LMAN2L: variants seen among roughly 807,000 people sequenced by gnomAD.
LMAN2L encodes lectin, mannose binding 2 like.
Under a neutral mutation model 44.3 loss-of-function variants are expected in LMAN2L, and 30 were observed. The ratio of observed to expected loss-of-function variants is 0.68; its 90% CI spans 0.51 to 0.92. The LOEUF (loss-of-function observed/expected upper bound fraction) is 0.92, where lower values mean the gene tolerates loss of function less well. Among genes scored for constraint, LMAN2L ranks in the 40% least tolerant of loss-of-function variants. The pLI, the probability that LMAN2L is intolerant of heterozygous loss-of-function variation, is 0.00. For missense variants in LMAN2L, 429 were observed against 446.1 expected, an observed-to-expected ratio of 0.96 and a Z score of 0.35; for synonymous variants, 183 against 171.1, an observed-to-expected ratio of 1.07 and a Z score of -0.54.
intron 4 of LMAN2L, among the ~76,000 whole-genome samples, chr2:96,718,002 C>CTGGA (rs1415044403): frequency 1.4e-4 from 21 of 152,270 alleles, no homozygotes; most frequent in Non-Finnish European, 3.1e-4. Flanking sequence ...GTCCTCCAGG[C>CTGGA]TGGAGTGCAA....
At chr2:96,734,966 T>C (rs1397060376) in intron 2 of LMAN2L, among the ~76,000 whole-genome samples, 1 of 152,222 alleles carries the variant, frequency 6.6e-6, no homozygotes, top group Non-Finnish European at 1.5e-5. Flanking sequence ...CAAAGCCTAA[T>C]TTATTACAGT....
chr2:96,737,198 C>T (rs1405610887), intron 2 of LMAN2L: 2 of 453,206 alleles, frequency 4.4e-6, no homozygotes, highest in South Asian at 1.6e-5. Flanking sequence ...TGTCGCCATA[C>T]CTCAAGGAAG....
intron 4 of LMAN2L, among the ~76,000 whole-genome samples, chr2:96,713,573 AG>A (rs1047557694): frequency 1.8e-4 from 27 of 152,330 alleles, no homozygotes; most frequent in African/African-American, 6.3e-4. Context: ...AAGGGGAAAG[AG>A]GAGACAACAG....
intron 1 of LMAN2L, 95 bp downstream of exon 1, chr2:96,739,759 G>A: frequency 3.1e-6 from 4 of 1,299,096 alleles, no homozygotes; most frequent in South Asian, 2.4e-5. Context: ...AGTTTCCTCC[G>A]GGCCACGAAG....
rs1223161548 is a variant in LMAN2L at position 96,712,026 on chromosome 2, C to T, written c.508-1G>A. 1 of 1,613,958 alleles carries T rather than the reference C, an allele frequency of 6.2e-7. No individual in the cohort carries two copies. The highest frequency in any genetic ancestry group is 2.2e-5 in the East Asian group (1 of 44,898). On this transcript the variant is annotated splice_acceptor_variant, in intron 4 of 7. Transcript: ENST00000264963. LOFTEE classifies it high-confidence loss of function. Reference sequence around the variant, plus strand: ...TGGCTGAGATGTAGGGGAATACCCGCTGGAAAGCAGAGAGGGGGAAGCAGA... The same window carrying T: ...TGGCTGAGATGTAGGGGAATACCCGTTGGAAAGCAGAGAGGGGGAAGCAGA...
chr2:96,739,893 A>G lies in LMAN2L; in HGVS notation c.148T>C (p.Tyr50His). ...GACAGCGAGTGCTCCCGTTTCAAGT[A>G]CTCGAACGTTTGACCCGCCCCGACT... ...QQVGAGQTFE[Y>H]LKREHSLSKP... is the part of the protein sequence containing the mutation. Residue 50 changes from tyrosine (Y) to histidine (H), a missense_variant, in exon 1 of 8, where the codon TAC (tyrosine) becomes CAC (histidine). Transcript: ENST00000264963. 2 of 1,613,820 alleles carry G rather than the reference A, an allele frequency of 1.2e-6. No homozygotes were observed. The highest frequency in any genetic ancestry group is 1.7e-6 in the Non-Finnish European group (2 of 1,179,986).
chr2:96,733,464 G>T, intron 4 of LMAN2L, 55 bp downstream of exon 4: 2 of 1,321,842 alleles, frequency 1.5e-6, no homozygotes, highest in South Asian at 1.2e-5. Flanking sequence ...ACATTCCTGA[G>T]GCAAAGAACT....
intron 4 of LMAN2L, among the ~76,000 whole-genome samples, chr2:96,714,193 T>C (rs2077987242): frequency 6.6e-6 from 1 of 152,178 alleles, no homozygotes; most frequent in South Asian, 2.1e-4. Flanking sequence ...GAGGAGGCAA[T>C]ATCTGAGCTG....
In LMAN2L at chr2:96,707,381, G is replaced by A; in HGVS notation, c.922C>T (p.Pro308Ser). The A allele has an allele frequency of 6.2e-7, 1 of 1,612,618 alleles. No individual in the cohort carries two copies. Among genetic ancestry groups the A allele is most frequent in the East Asian group, 2.2e-5 (1 of 44,864 alleles). The change falls in exon 8 of 8, where the codon CCC becomes TCC. Residue 308 changes from proline (P) to serine (S), a missense_variant. Pro to Ser is a moderately conservative substitution (Grantham distance 74). Transcript: ENST00000264963. Reference sequence around the variant, plus strand: ...AGGAAGAGGGCCAGGCCACTCAGGGGCGGCAGTGGAGCTGTCACTGAGGAA... The same window carrying A: ...AGGAAGAGGGCCAGGCCACTCAGGGACGGCAGTGGAGCTGTCACTGAGGAA... ...KLPEMTAPLP[P>S]LSGLALFLIV...
intron 4 of LMAN2L, among the ~76,000 whole-genome samples, chr2:96,726,055 C>T (rs920050359): frequency 6.6e-6 from 1 of 151,564 alleles, no homozygotes; most frequent in African/African-American, 2.4e-5. Context: ...TCACTTGAAC[C>T]CAGGAGGCGG....
chr2:96,718,881 C>A (rs2078094348), intron 4 of LMAN2L, among the ~76,000 whole-genome samples: 1 of 152,218 alleles, frequency 6.6e-6, no homozygotes, highest in Admixed American at 6.5e-5. Flanking sequence ...AAAAGTGGCA[C>A]TTCCAGGTCT....
chr2:96,737,936 G>A lies in LMAN2L; in HGVS notation c.306+13C>T. The A allele has an allele frequency of 2.5e-6, 4 of 1,572,388 alleles. No individual in the cohort carries two copies. The highest frequency in any genetic ancestry group is 3.5e-6 in the Non-Finnish European group (4 of 1,142,122). On this transcript the variant is annotated intron_variant, in intron 2 of 7. Transcript: ENST00000264963. ...TTCTGGGTCACCAACACAGGAGGGA[G>A]AAAGATTCTTACCACCCGGTTCCAC...
At chr2:96,738,126 C>T in intron 1 of LMAN2L, 59 bp from the exon 2 acceptor site, 1 of 1,154,120 alleles carries the variant, frequency 8.7e-7, no homozygotes, top group Non-Finnish European at 1.3e-6. Flanking sequence ...CAGAAAGCAG[C>T]CACCACAGAG....
intron 6 of LMAN2L, among the ~76,000 whole-genome samples, chr2:96,710,441 G>A (rs184755436): frequency 2.8e-4 from 43 of 152,254 alleles, no homozygotes; most frequent in African/African-American, 9.1e-4. Context: ...AGGCCAAGGC[G>A]GGCGGATCAC....
intron 4 of LMAN2L, among the ~76,000 whole-genome samples, chr2:96,716,206 AAAATAC>A (rs2078037403): frequency 6.6e-6 from 1 of 152,230 alleles, no homozygotes; most frequent in Admixed American, 6.5e-5. Flanking sequence ...TAAAAATATT[AAAATAC>A]AATAATGACA....
intron 4 of LMAN2L, among the ~76,000 whole-genome samples, chr2:96,727,141 T>C (rs1184700745): frequency 6.6e-6 from 1 of 151,928 alleles, no homozygotes; most frequent in East Asian, 1.9e-4. Context: ...CATATATATA[T>C]ATATTAGCTG....
At chr2:96,738,937 T>C (rs556787782) in intron 1 of LMAN2L, among the ~76,000 whole-genome samples, 64 of 152,252 alleles carry the variant, frequency 4.2e-4, no homozygotes, top group Non-Finnish European at 9.0e-4. Flanking sequence ...GAGATGGGGT[T>C]TCACCGTGTT....
chr2:96,738,336 G>A (rs2078559527), intron 1 of LMAN2L, among the ~76,000 whole-genome samples: 2 of 152,132 alleles, frequency 1.3e-5, no homozygotes, highest in East Asian at 1.9e-4. Context: ...TTATATGTGA[G>A]TAAACTTCAG....
At chr2:96,729,199 A>T (rs7575530) in intron 4 of LMAN2L, among the ~76,000 whole-genome samples, 3,446 of 151,824 alleles carry the variant, frequency 0.023, 128 homozygotes, top group African/African-American at 0.078. Context: ...AAATAAAATA[A>T]AACAAAATAA....
Sources: gnomAD v4.1 joint callset for allele counts (sites outside exome capture counted in the v4.1 genomes callset) on GRCh38, gnomAD v4.1.1 for gene constraint, MANE v1.5 for transcripts, NCBI Gene and HGNC (gene_info 2026-07-23, HGNC 2026-07-21) for gene names.